Variants in RALGAPA1 observed in about 807,000 individuals in gnomAD.
The protein encoded by RALGAPA1 is Ral GTPase activating protein catalytic subunit alpha 1, also known as ral GTPase-activating protein subunit alpha-1.
Under a neutral mutation model 269.6 loss-of-function variants are expected in RALGAPA1, and 52 were observed. The ratio of observed to expected loss-of-function variants is 0.19; its 90% CI spans 0.15 to 0.24. The LOEUF (loss-of-function observed/expected upper bound fraction) is 0.24. Among genes scored for constraint, RALGAPA1 ranks in the 10% least tolerant of loss-of-function variants. The probability of loss-of-function intolerance (pLI) is 1.00; values close to 1 mark genes in which losing one functional copy is unlikely to be tolerated. For missense variants in RALGAPA1, 1,917 were observed against 3,013.9 expected, an observed-to-expected ratio of 0.64 and a Z score of 8.52; for synonymous variants, 817 against 1,008.3, an observed-to-expected ratio of 0.81 and a Z score of 3.60.
At chr14:35,576,147 A>G (rs759519860) in intron 37 of RALGAPA1, among the ~76,000 whole-genome samples, 1 of 152,232 alleles carries the variant, frequency 6.6e-6, no homozygotes, top group African/African-American at 2.4e-5. Flanking sequence ...TCAGTTTACT[A>G]ATATTTCTAT....
At chr14:35,783,697 T>C (rs2075608364) in intron 1 of RALGAPA1, among the ~76,000 whole-genome samples, 1 of 152,186 alleles carries the variant, frequency 6.6e-6, no homozygotes, top group African/African-American at 2.4e-5. Flanking sequence ...GTCTCCAGAA[T>C]ATAGAAAGAA....
intron 35 of RALGAPA1, among the ~76,000 whole-genome samples, chr14:35,610,525 G>A (rs370202678): frequency 6.6e-5 from 10 of 152,054 alleles, no homozygotes; most frequent in South Asian, 4.2e-4. Flanking sequence ...CTTGTGATCC[G>A]CCCTCCTCCG....
At chr14:35,677,872 G>T in intron 22 of RALGAPA1, 78 bp downstream of exon 22, 1 of 1,321,348 alleles carries the variant, frequency 7.6e-7, no homozygotes, top group South Asian at 1.2e-5. Context: ...ATAATCAAAT[G>T]TAAGATGCCT....
intron 19 of RALGAPA1, among the ~76,000 whole-genome samples, chr14:35,686,302 C>G (rs1213742565): frequency 1.3e-5 from 2 of 151,844 alleles, no homozygotes; most frequent in Non-Finnish European, 2.9e-5. Flanking sequence ...TGTATTTGTG[C>G]ACAGGTACCT....
chr14:35,686,259 A>T lies in RALGAPA1; in HGVS notation c.4077+283T>A, dbSNP rs920345231. On this transcript the variant is annotated intron_variant, in intron 19 of 41. Transcript: ENST00000680220. ...GTAACCTACGAGCAAAGACAAAAAAAGGGGAGACTAGGAAGGTAGTTGCTT... is the reference window on the plus strand; with the variant it reads ...GTAACCTACGAGCAAAGACAAAAAATGGGGAGACTAGGAAGGTAGTTGCTT... Among the ~76,000 whole-genome samples the T allele has an allele frequency of 2.6e-5, 4 of 151,910 alleles. No individual in the cohort carries two copies. In the East Asian group the frequency reaches 7.7e-4, roughly 29 times the overall value.
intron 39 of RALGAPA1, among the ~76,000 whole-genome samples, chr14:35,552,787 T>C (rs2055153397): frequency 6.6e-6 from 1 of 151,648 alleles, no homozygotes; most frequent in Non-Finnish European, 1.5e-5. Context: ...TAATCCTCCT[T>C]CCGCTTTCTA....
chr14:35,677,828 T>C, intron 22 of RALGAPA1, 122 bp downstream of exon 22: 1 of 901,350 alleles, frequency 1.1e-6, no homozygotes, highest in Non-Finnish European at 1.7e-6. Flanking sequence ...TCCAAAGGAC[T>C]TAGAAAAGTC....
intron 39 of RALGAPA1, among the ~76,000 whole-genome samples, chr14:35,560,347 A>G (rs2056090123): frequency 6.6e-6 from 1 of 152,110 alleles, no homozygotes; most frequent in Non-Finnish European, 1.5e-5. Context: ...AACACCTTTT[A>G]TCTCTTGACC....
rs367546617 is a variant in RALGAPA1, at chr14:35,775,659, T to C, written c.193A>G (p.Ile65Val). Reference protein sequence around the residue: ...YYVFFENFVTIEASLKQKGHK... With the variant: ...YYVFFENFVTVEASLKQKGHK... ...CCTTTCTGTTTAAGACTAGCTTCAA[T>C]AGTCACAAAATTTTCAAAGAACACA... Residue 65 changes from isoleucine to valine, a missense_variant, in exon 2 of 42, where the codon ATT becomes GTT. By Grantham distance (29) the Ile-to-Val change is conservative. Around this residue, in one of 11 missense-constraint regions of RALGAPA1, gnomAD observed 462 missense variants for 725.6 expected, o/e 0.64. Coordinates refer to ENST00000680220, the MANE Select transcript of RALGAPA1 (RefSeq NM_001346249.2). 167 of 1,577,874 alleles carry C rather than the reference T, an allele frequency of 1.1e-4. No individual in the cohort carries two copies. Among genetic ancestry groups the C allele is most frequent in the Middle Eastern group, 2.0e-4 (1 of 5,114 alleles).
intron 1 of RALGAPA1, among the ~76,000 whole-genome samples, chr14:35,798,534 C>T (rs1431758259): frequency 1.3e-5 from 2 of 152,162 alleles, no homozygotes; most frequent in East Asian, 1.9e-4. Flanking sequence ...TTCAAGGTGA[C>T]GAATATCCTA....
intron 41 of RALGAPA1, 119 bp from the exon 42 acceptor site, chr14:35,539,809 A>C: frequency 1.4e-6 from 2 of 1,435,358 alleles, no homozygotes; most frequent in Non-Finnish European, 9.3e-7. Flanking sequence ...TTTCGAGGGA[A>C]AAAGCAAGCC....
chr14:35,754,403 CA>C (rs1443246447), intron 7 of RALGAPA1, among the ~76,000 whole-genome samples: 1 of 151,488 alleles, frequency 6.6e-6, no homozygotes, highest in Non-Finnish European at 1.5e-5. Flanking sequence ...TAAAAATGGG[CA>C]AAAAAAGTGA....
chr14:35,684,839 A>G (rs2065777581), intron 20 of RALGAPA1, 90 bp downstream of exon 20: 2 of 1,299,666 alleles, frequency 1.5e-6, no homozygotes, highest in Non-Finnish European at 2.1e-6. Flanking sequence ...AACACTGGAG[A>G]GGAAGGTGAT....
intron 1 of RALGAPA1, among the ~76,000 whole-genome samples, chr14:35,792,919 C>G (rs1272340000): frequency 1.4e-5 from 2 of 139,904 alleles, no homozygotes; most frequent in African/African-American, 2.6e-5. Flanking sequence ...GGGAGATCAA[C>G]TAGTAAGCTG....
At chr14:35,669,710 T>C (rs988425991) in intron 26 of RALGAPA1, among the ~76,000 whole-genome samples, 1 of 152,192 alleles carries the variant, frequency 6.6e-6, no homozygotes, top group Non-Finnish European at 1.5e-5. Flanking sequence ...CCTATTGGTA[T>C]CTATTTGATG....
chr14:35,606,998 C>A (rs1220329462), intron 35 of RALGAPA1, among the ~76,000 whole-genome samples: 2 of 151,954 alleles, frequency 1.3e-5, no homozygotes, highest in African/African-American at 4.8e-5. Flanking sequence ...CTAGTGTAAG[C>A]AGTAAAATAT....
intron 37 of RALGAPA1, among the ~76,000 whole-genome samples, chr14:35,578,119 C>G (rs2057699816): frequency 2.6e-5 from 4 of 152,064 alleles, no homozygotes; most frequent in Admixed American, 2.6e-4. Context: ...TTTGCAGATG[C>G]AACAATGAGT....
chr14:35,720,068 C>A (rs2069249607), intron 16 of RALGAPA1, among the ~76,000 whole-genome samples: 1 of 152,140 alleles, frequency 6.6e-6, no homozygotes, highest in African/African-American at 2.4e-5. Context: ...TCTTAATACA[C>A]AAATATTTTC....
Position 35,689,834 on chromosome 14 carries a change from A to T in RALGAPA1, c.2577T>A (p.Gly859=). Residue 859 remains glycine, a synonymous_variant, in exon 18 of 42, where the codon GGT becomes GGA. Coordinates refer to ENST00000680220, the MANE Select transcript of RALGAPA1 (RefSeq NM_001346249.2). The stretch of plus-strand genomic sequence containing the variant: ...ATGAACTGTCAATGACAGGAACTGC[A>T]CCTTTGGCTCGTTCAACAGTGAATG... The part of the protein sequence containing the change: ...LEPFTVERAK[G]AVPVIDSSSR... 6.3e-7 allele frequency: 1 copy of T among 1,592,810 alleles called. No homozygotes were observed. The highest frequency in any genetic ancestry group is 8.5e-7 in the Non-Finnish European group (1 of 1,172,860).
Sources: gnomAD v4.1 joint callset for allele counts (sites outside exome capture counted in the v4.1 genomes callset) on GRCh38, gnomAD v4.1.1 for gene constraint, gnomAD v4.1.1 regional missense constraint, MANE v1.5 for transcripts, NCBI Gene and HGNC (gene_info 2026-07-23, HGNC 2026-07-21) for gene names.